Variants in MEF2C observed in about 807,000 individuals in gnomAD.
The protein encoded by MEF2C is myocyte enhancer factor 2C.
A neutral mutation model predicts 50.5 loss-of-function variants in MEF2C; 6 were observed. The observed-to-expected ratio is 0.12, with a 90% CI of 0.07 to 0.23. The LOEUF (loss-of-function observed/expected upper bound fraction) is 0.23. Ranked by LOEUF, MEF2C falls within the 10% of genes least tolerant of loss-of-function variation. The pLI is 1.00. For missense variants in MEF2C, 276 were observed against 605.0 expected (o/e 0.46, Z 5.70); for synonymous variants, 183 against 228.0 (o/e 0.80, Z 1.78).
In MEF2C at chr5:88,722,871, A is replaced by G; in HGVS notation, c.1155T>C (p.Thr385=). The G allele has an allele frequency of 6.2e-7, 1 of 1,613,776 alleles. No homozygotes were observed. The highest frequency in any genetic ancestry group is 8.5e-7 in the Non-Finnish European group (1 of 1,179,738). Residue 385 remains threonine, a synonymous_variant, in exon 11 of 11, where the codon ACT becomes ACC. Coordinates refer to ENST00000504921, the MANE Select transcript of MEF2C (RefSeq NM_002397.5). The part of the protein sequence containing the change: ...SQSSNLSLPS[T]QSLNIKSEPV... ...GTTCTGACTTGATGTTGAGGCTTTG[A>G]GTAGAAGGCAGGGAGAGATTTGAAC...
At chr5:88,871,619 C>A (rs1428474107) in intron 1 of MEF2C, among the ~76,000 whole-genome samples, 3 of 151,994 alleles carry the variant, frequency 2.0e-5, no homozygotes, top group Non-Finnish European at 4.4e-5. Flanking sequence ...ATCAATATTA[C>A]CTGACATCCA....
chr5:88,890,514 C>T (rs182921117), intron 1 of MEF2C, among the ~76,000 whole-genome samples: 1 of 152,314 alleles, frequency 6.6e-6, no homozygotes, highest in East Asian at 1.9e-4. Flanking sequence ...TTCTGTCCCT[C>T]AGTTCCACTG....
At chr5:88,835,048 A>C (rs897401593) in intron 1 of MEF2C, among the ~76,000 whole-genome samples, 1 of 152,192 alleles carries the variant, frequency 6.6e-6, no homozygotes, top group Non-Finnish European at 1.5e-5. Flanking sequence ...TTGAGTCCAA[A>C]AGCATCCCTC....
intron 3 of MEF2C, among the ~76,000 whole-genome samples, chr5:88,765,172 T>C (rs896448547): frequency 6.6e-6 from 1 of 152,232 alleles, no homozygotes; most frequent in African/African-American, 2.4e-5. Flanking sequence ...TAAGTAATGA[T>C]TCAAGTTAAA....
intron 2 of MEF2C, among the ~76,000 whole-genome samples, chr5:88,821,948 G>C (rs531881135): frequency 3.1e-4 from 47 of 151,956 alleles, no homozygotes; most frequent in South Asian, 1.7e-3. Flanking sequence ...AATGATAAAT[G>C]CTTGAGGTAG....
intron 1 of MEF2C, chr5:88,838,611 G>C (rs1816091916): frequency 2.0e-6 from 2 of 985,088 alleles, no homozygotes; most frequent in African/African-American, 3.5e-5. Flanking sequence ...CATCCCCAAA[G>C]CTTGAAGCAG....
chr5:88,829,470 A>G (rs1028361916), intron 1 of MEF2C, among the ~76,000 whole-genome samples: 5 of 152,016 alleles, frequency 3.3e-5, no homozygotes, highest in Non-Finnish European at 5.9e-5. Flanking sequence ...CGTTTTATCC[A>G]CAATATATAC....
Position 88,731,917 on chromosome 5 carries a change from A to G in MEF2C, c.638-16T>C, listed in dbSNP as rs1248794574. 3 of 1,599,562 alleles carry G rather than the reference A, an allele frequency of 1.9e-6. No homozygotes were observed. In the East Asian group the frequency reaches 6.7e-5, roughly 36 times the overall value. ...TACCCGTTCCCTGTTAACAAAAAAC[A>G]ATAAAGCATTTAGGAAGAAATCTAG... On this transcript the variant is annotated splice_polypyrimidine_tract_variant and intron_variant, in intron 6 of 10. Transcript: ENST00000504921.
chr5:88,740,934 A>G (rs1189703972), intron 6 of MEF2C: 2 of 985,312 alleles, frequency 2.0e-6, no homozygotes, highest in East Asian at 2.3e-4. Context: ...AAACAAAAAT[A>G]TTGAGACAGT....
chr5:88,760,235 A>G (rs1777234900), intron 4 of MEF2C, among the ~76,000 whole-genome samples: 1 of 152,282 alleles, frequency 6.6e-6, no homozygotes, highest in Admixed American at 6.5e-5. Context: ...ATATGTGGAC[A>G]ACAAAATAAT....
intron 2 of MEF2C, among the ~76,000 whole-genome samples, chr5:88,817,471 A>C (rs1806013262): frequency 6.6e-6 from 1 of 151,944 alleles, no homozygotes; most frequent in Admixed American, 6.6e-5. Context: ...ATTCATATGA[A>C]GAGACTGAGA....
intron 3 of MEF2C, among the ~76,000 whole-genome samples, chr5:88,763,475 C>G (rs1194688912): frequency 6.6e-6 from 1 of 152,102 alleles, no homozygotes; most frequent in Non-Finnish European, 1.5e-5. Flanking sequence ...TGATGTGTTT[C>G]TGCTTTGATC....
At chr5:88,873,253 A>G (rs1211366190) in intron 1 of MEF2C, among the ~76,000 whole-genome samples, 1 of 152,114 alleles carries the variant, frequency 6.6e-6, no homozygotes, top group Non-Finnish European at 1.5e-5. Context: ...ACATGATCCT[A>G]TAGCCCTGGC....
chr5:88,855,092 A>G (rs1822815053), intron 1 of MEF2C, among the ~76,000 whole-genome samples: 1 of 152,204 alleles, frequency 6.6e-6, no homozygotes, highest in Admixed American at 6.5e-5. Flanking sequence ...TCCTTGCTGA[A>G]GAATCCTGAA....
intron 4 of MEF2C, among the ~76,000 whole-genome samples, chr5:88,753,605 G>T (rs1773873301): frequency 6.6e-6 from 1 of 152,136 alleles, no homozygotes; most frequent in Non-Finnish European, 1.5e-5. Context: ...TGCCCAGGCT[G>T]GTCTTGAACT....
At chr5:88,893,487 T>G (rs1297945822) in intron 1 of MEF2C, among the ~76,000 whole-genome samples, 1 of 152,038 alleles carries the variant, frequency 6.6e-6, no homozygotes, top group African/African-American at 2.4e-5. Flanking sequence ...CCTCCCAAAG[T>G]GCTGGGATTA....
intron 6 of MEF2C, chr5:88,734,007 C>T (rs1222517568): frequency 3.0e-6 from 3 of 984,408 alleles, no homozygotes; most frequent in Non-Finnish European, 3.6e-6. Context: ...TAAAACAATG[C>T]ATTTACTTCC....
intron 6 of MEF2C, chr5:88,739,393 C>G (rs1423917654): frequency 2.0e-6 from 2 of 976,208 alleles, no homozygotes; most frequent in African/African-American, 1.8e-5. Context: ...GGTTGTTAGA[C>G]AGGAAATGTC....
chr5:88,766,936 C>G (rs762023100), intron 3 of MEF2C: 22 of 381,328 alleles, frequency 5.8e-5, no homozygotes, highest in Non-Finnish European at 7.6e-5. Flanking sequence ...AGTATCTACT[C>G]TTAACAAGCT....
Sources: gnomAD v4.1 joint callset for allele counts (sites outside exome capture counted in the v4.1 genomes callset) on GRCh38, gnomAD v4.1.1 for gene constraint, MANE v1.5 for transcripts, NCBI Gene and HGNC (gene_info 2026-07-23, HGNC 2026-07-21) for gene names.